The following VCPIP1 variants were observed in gnomAD, a reference collection of about 807,000 sequenced individuals.
VCPIP1 encodes valosin containing protein interacting protein 1, also known as deubiquitinating protein VCPIP1.
A neutral mutation model predicts 85.0 loss-of-function variants in VCPIP1; 8 were observed. That is an observed-to-expected ratio of 0.09 (90% CI 0.06 to 0.17). The LOEUF is 0.17. Among genes scored for constraint, VCPIP1 ranks in the 10% least tolerant of loss-of-function variants. The pLI, the probability that VCPIP1 is intolerant of heterozygous loss-of-function variation, is 1.00. For missense variants in VCPIP1, 1,070 were observed against 1,486.3 expected (o/e 0.72, Z 4.61); for synonymous variants, 543 against 544.5 (o/e 1.00, Z 0.04).
At chr8:66,649,328 T>C (rs1811030556) in intron 2 of VCPIP1, among the ~76,000 whole-genome samples, 1 of 151,800 alleles carries the variant, frequency 6.6e-6, no homozygotes, top group Admixed American at 6.6e-5. Context: ...CTGGGCAACA[T>C]GGCGAAACCC....
Position 66,665,531 on chromosome 8 carries a change from A to T in VCPIP1, c.1428T>A (p.Ser476=), listed in dbSNP as rs200728962. 1.4e-5 allele frequency: 22 copies of T among 1,614,138 alleles called. No homozygotes were observed. The East Asian group carries it at 4.7e-4, about 34-fold the overall frequency. Reference sequence around the variant, plus strand: ...ACCACTCTGGAGGAACATGAAGTTCAGAAAGGGCACCACAGAGCAAACATT... The same window carrying T: ...ACCACTCTGGAGGAACATGAAGTTCTGAAAGGGCACCACAGAGCAAACATT... ...LHKCLLCGAL[S]ELHVPPEWLA... Residue 476 remains serine, a synonymous_variant, in exon 1 of 3, where the codon TCT becomes TCA. Transcript: ENST00000310421. The surrounding 1 kb of genome is among the most constrained non-coding windows in gnomAD (Gnocchi z 4.3).
chr8:66,663,143 G>A (rs1023359073), intron 1 of VCPIP1, among the ~76,000 whole-genome samples: 32 of 151,490 alleles, frequency 2.1e-4, no homozygotes, highest in East Asian at 2.0e-4. Context: ...TATAAAGTGC[G>A]TAGGACAGTT....
rs1811198952 is a variant in VCPIP1 at position 66,665,516 on chromosome 8, A to G, written c.1443T>C (p.Pro481=). ...TCCCTCCAGGAGCCAACCACTCTGG[A>G]GGAACATGAAGTTCAGAAAGGGCAC... is the stretch of plus-strand genomic sequence containing the variant. ...LCGALSELHV[P]PEWLAPGGKL... Residue 481 remains proline, a synonymous_variant, in exon 1 of 3, where the codon CCT becomes CCC. Coordinates refer to ENST00000310421, the MANE Select transcript of VCPIP1 (RefSeq NM_025054.5). This position sits in a 1 kb window ranked among gnomAD's most constrained non-coding sequence, Gnocchi z 4.3. 1 of 1,614,140 alleles carries G rather than the reference A, an allele frequency of 6.2e-7. No individual in the cohort carries two copies. The highest frequency in any genetic ancestry group is 8.5e-7 in the Non-Finnish European group (1 of 1,179,996).
chr8:66,655,080 G>T (rs113388994), intron 1 of VCPIP1, among the ~76,000 whole-genome samples: 4,564 of 152,224 alleles, frequency 0.03, 113 homozygotes, highest in Non-Finnish European at 0.045. Context: ...TGGTTAGGTA[G>T]GTACCCTTGT....
intron 1 of VCPIP1, among the ~76,000 whole-genome samples, chr8:66,656,492 C>T (rs1811101656): frequency 6.6e-6 from 1 of 152,138 alleles, no homozygotes; most frequent in African/African-American, 2.4e-5. Context: ...TGTGCCTAGC[C>T]TTCTAACTTT....
intron 2 of VCPIP1, among the ~76,000 whole-genome samples, chr8:66,636,688 G>A (rs1322973567): frequency 1.3e-5 from 2 of 151,912 alleles, no homozygotes; most frequent in African/African-American, 4.8e-5. Flanking sequence ...AGGTTGTGCT[G>A]AGACAAGATT....
At chr8:66,640,904 T>C (rs1341912380) in intron 2 of VCPIP1, among the ~76,000 whole-genome samples, 1 of 152,188 alleles carries the variant, frequency 6.6e-6, no homozygotes, top group Non-Finnish European at 1.5e-5. Context: ...GAGAAGAACT[T>C]GGGTACCAAG....
Position 66,665,694 on chromosome 8 carries a change from A to G in VCPIP1, c.1265T>C (p.Met422Thr). 1 of 1,614,172 alleles carries G rather than the reference A, an allele frequency of 6.2e-7. No homozygotes were observed. Among genetic ancestry groups the G allele is most frequent in the Non-Finnish European group, 8.5e-7 (1 of 1,179,996 alleles). The change falls in exon 1 of 3, where the codon ATG becomes ACG. Residue 422 changes from methionine to threonine, a missense_variant. Physicochemically the swap from Met to Thr is moderately conservative, Grantham distance 81. Transcript: ENST00000310421. This position sits in a 1 kb window ranked among gnomAD's most constrained non-coding sequence, Gnocchi z 4.3. ...RLVAAMEEVF[M>T]DKHGIHPSLV... The stretch of plus-strand genomic sequence containing the variant: ...ACTAGGATGGATACCATGTTTGTCC[A>G]TAAAGACTTCTTCCATAGCAGCAAC...
intron 1 of VCPIP1, among the ~76,000 whole-genome samples, chr8:66,663,290 AGATT>A (rs960365931): frequency 5.3e-5 from 8 of 152,238 alleles, no homozygotes; most frequent in Non-Finnish European, 1.2e-4. Context: ...TCATTTTGAT[AGATT>A]AAGGCCCAAA....
intron 2 of VCPIP1, among the ~76,000 whole-genome samples, chr8:66,644,528 T>C (rs1487723618): frequency 2.6e-5 from 4 of 152,034 alleles, no homozygotes; most frequent in Admixed American, 6.6e-5. Flanking sequence ...TAGAAAGAAA[T>C]GTCCTCAATC....
rs1034632229 is a variant in VCPIP1, at chr8:66,631,026, C to G, written c.*3475G>C. 2 of 152,074 alleles carry G rather than the reference C, an allele frequency of 1.3e-5. No individual in the cohort carries two copies. The highest frequency in any genetic ancestry group is 4.8e-5 in the African/African-American group (2 of 41,406). The allele number at this position is 152,074 out of a possible 1,614,324, so 9.4% of individuals were successfully genotyped here. A position where few individuals can be genotyped will look rare whatever the true frequency, so the allele number is the denominator to read the frequency against. On this transcript the variant is annotated 3_prime_UTR_variant, in exon 3 of 3. Transcript: ENST00000310421. ...TGAATGGTAGGATGCATTTACTCAA[C>G]TTAGAATATGGCGCTATTATTATTA...
intron 1 of VCPIP1, among the ~76,000 whole-genome samples, chr8:66,657,999 T>A (rs1437122427): frequency 6.6e-6 from 1 of 152,142 alleles, no homozygotes; most frequent in African/African-American, 2.4e-5. Flanking sequence ...ACAAGTATGC[T>A]ACATATAAAT....
At position 66,634,417 on chromosome 8, in the gene VCPIP1, A is replaced by T; in HGVS notation, c.*84T>A. Reference sequence around the variant, plus strand: ...TGAATTATATACGTACAAGATTTTTAATGACTAATCAAGTTACGTGGCCCA... The same window carrying T: ...TGAATTATATACGTACAAGATTTTTTATGACTAATCAAGTTACGTGGCCCA... On this transcript the variant is annotated 3_prime_UTR_variant, in exon 3 of 3. Transcript: ENST00000310421. 7.0e-7 allele frequency: 1 copy of T among 1,438,528 alleles called. No individual in the cohort carries two copies. Among genetic ancestry groups the T allele is most frequent in the Non-Finnish European group, 9.4e-7 (1 of 1,068,916 alleles). 89.1% of individuals were successfully genotyped at this position (1,438,528 alleles called of 1,614,324 possible). A position where few individuals can be genotyped will look rare whatever the true frequency, so the allele number is the denominator to read the frequency against.
At chr8:66,653,189 A>G (rs1294169706) in intron 1 of VCPIP1, among the ~76,000 whole-genome samples, 1 of 152,056 alleles carries the variant, frequency 6.6e-6, no homozygotes, top group Non-Finnish European at 1.5e-5. Context: ...CTACTAGAAT[A>G]GCTATATTTA....
chr8:66,649,782 T>TATATATA, intron 2 of VCPIP1, among the ~76,000 whole-genome samples: 1 of 152,246 alleles, frequency 6.6e-6, no homozygotes, highest in Middle Eastern at 3.4e-3. Flanking sequence ...GTTGGTTACA[T>TATATATA]GACTATATAT....
rs144990090 is a variant in VCPIP1, at chr8:66,633,526, C to T, written c.*975G>A. On this transcript the variant is annotated 3_prime_UTR_variant, in exon 3 of 3. Coordinates refer to ENST00000310421, the MANE Select transcript of VCPIP1 (RefSeq NM_025054.5). ...GATGCAGTAAAATTTGCATCTAAACCCAAGTGAAGCCAACAAATAAACTCT... is the reference window on the plus strand; with the variant it reads ...GATGCAGTAAAATTTGCATCTAAACTCAAGTGAAGCCAACAAATAAACTCT... 1 of 150,662 alleles carries T rather than the reference C, an allele frequency of 6.6e-6. No homozygotes were observed. The highest frequency in any genetic ancestry group is 2.4e-5 in the African/African-American group (1 of 40,990). The allele number at this position is 150,662 out of a possible 1,614,324, so 9.3% of individuals were successfully genotyped here.
rs968421008 is a variant in VCPIP1, at chr8:66,632,078, A to C, written c.*2423T>G. On this transcript the variant is annotated 3_prime_UTR_variant, in exon 3 of 3. Transcript: ENST00000310421. ...TTACCTCTAGGGCTAAAAAAAAAAA[A>C]AAAAACAAATTTACCTGAGATGTCT... 6 of 152,144 alleles carry C rather than the reference A, an allele frequency of 3.9e-5. No individual in the cohort carries two copies. The South Asian group carries it at 8.3e-4, about 21-fold the overall frequency. 9.4% of individuals were successfully genotyped at this position (152,144 alleles called of 1,614,324 possible). A position where few individuals can be genotyped will look rare whatever the true frequency, so the allele number is the denominator to read the frequency against.
chr8:66,638,923 C>G (rs1810916821), intron 2 of VCPIP1, among the ~76,000 whole-genome samples: 1 of 149,314 alleles, frequency 6.7e-6, no homozygotes, highest in South Asian at 2.1e-4. Flanking sequence ...GTACAAAAAC[C>G]TGCAAGAAAA....
Position 66,667,208 on chromosome 8 carries a change from T to C in VCPIP1, c.-250A>G. The stretch of plus-strand genomic sequence containing the variant: ...CCACCCCGCACTCACACTCACTCAC[T>C]CTCGCTCTCTCTCCCTCAGACACAG... On this transcript the variant is annotated 5_prime_UTR_variant, in exon 1 of 3. Transcript: ENST00000310421. The C allele has an allele frequency of 1.5e-6, 1 of 657,056 alleles. No individual in the cohort carries two copies. The highest frequency in any genetic ancestry group is 2.4e-6 in the Non-Finnish European group (1 of 423,176). The allele number at this position is 657,056 out of a possible 1,614,324, so 40.7% of individuals were successfully genotyped here. A position where few individuals can be genotyped will look rare whatever the true frequency, so the allele number is the denominator to read the frequency against.
Sources: allele counts gnomAD v4.1 joint callset (sites outside exome capture counted in the v4.1 genomes callset), GRCh38; gene constraint gnomAD v4.1.1; non-coding constraint Gnocchi (gnomAD v3.1); transcripts MANE v1.5; gene names NCBI Gene and HGNC (gene_info 2026-07-23, HGNC 2026-07-21).